The following ATP9A variants were observed in gnomAD, a reference collection of about 807,000 sequenced individuals.
The protein encoded by ATP9A is ATPase phospholipid transporting 9A.
A neutral mutation model predicts 144.1 loss-of-function variants in ATP9A; 52 were observed. The observed-to-expected ratio is 0.36, with a 90% CI of 0.29 to 0.45. The LOEUF is 0.45. Ranked by LOEUF, ATP9A falls within the 20% of genes least tolerant of loss-of-function variation. ATP9A has a pLI of 1.00. For missense variants in ATP9A, 947 were observed against 1,392.7 expected (o/e 0.68, Z 5.09); for synonymous variants, 582 against 557.4 (o/e 1.04, Z -0.62).
At chr20:51,716,323 G>A (rs950909772) in intron 3 of ATP9A, among the ~76,000 whole-genome samples, 4 of 152,096 alleles carry the variant, frequency 2.6e-5, no homozygotes, top group African/African-American at 9.7e-5. Flanking sequence ...ATGGCTGGGT[G>A]TGGTGGCTCA....
At chr20:51,658,190 T>C (rs1480336116) in intron 13 of ATP9A, among the ~76,000 whole-genome samples, 1 of 152,174 alleles carries the variant, frequency 6.6e-6, no homozygotes, top group African/African-American at 2.4e-5. Flanking sequence ...CCGGGCACGG[T>C]GGCTCACGCC....
intron 26 of ATP9A, among the ~76,000 whole-genome samples, chr20:51,606,446 C>CA (rs1452278120): frequency 6.6e-6 from 1 of 152,108 alleles, no homozygotes; most frequent in African/African-American, 2.4e-5. Flanking sequence ...CCTGTAATCC[C>CA]AACACTTTGT....
At chr20:51,633,887 G>A (rs1313165912) in intron 15 of ATP9A, among the ~76,000 whole-genome samples, 1 of 139,696 alleles carries the variant, frequency 7.2e-6, no homozygotes, top group African/African-American at 2.6e-5. Context: ...AGGAAGGAAG[G>A]AAAAGAGGGA....
At chr20:51,757,649 A>T (rs956708741) in intron 1 of ATP9A, among the ~76,000 whole-genome samples, 5 of 152,194 alleles carry the variant, frequency 3.3e-5, no homozygotes, top group African/African-American at 1.2e-4. Context: ...TGCTGCCTGT[A>T]GTCCCAGCAC....
intron 1 of ATP9A, among the ~76,000 whole-genome samples, chr20:51,767,187 C>T (rs2077908374): frequency 6.6e-6 from 1 of 152,058 alleles, no homozygotes; most frequent in African/African-American, 2.4e-5. Flanking sequence ...CGGCCGCCAC[C>T]GGGAAATGCC....
Position 51,600,341 on chromosome 20 carries a change from T to A in ATP9A, c.*870A>T, listed in dbSNP as rs979543693. Reference sequence around the variant, plus strand: ...ATTAGTTGAGTCTCTTATCACACTGTCGACACATTTAGGGGCCATTCAGTG... The same window carrying A: ...ATTAGTTGAGTCTCTTATCACACTGACGACACATTTAGGGGCCATTCAGTG... On this transcript the variant is annotated 3_prime_UTR_variant, in exon 28 of 28. Coordinates refer to ENST00000338821, the MANE Select transcript of ATP9A (RefSeq NM_006045.3). 3 of 152,210 alleles carry A rather than the reference T, an allele frequency of 2.0e-5. No individual in the cohort carries two copies. Among genetic ancestry groups the A allele is most frequent in the African/African-American group, 7.2e-5 (3 of 41,446 alleles). The allele number at this position is 152,210 out of a possible 1,614,324, so 9.4% of individuals were successfully genotyped here. A position where few individuals can be genotyped will look rare whatever the true frequency, so the allele number is the denominator to read the frequency against.
intron 1 of ATP9A, among the ~76,000 whole-genome samples, chr20:51,754,748 A>G (rs2122909638): frequency 6.6e-6 from 1 of 152,188 alleles, no homozygotes; most frequent in African/African-American, 2.4e-5. Context: ...CCCAGAAGGC[A>G]GAGGTTGCAG....
intron 9 of ATP9A, among the ~76,000 whole-genome samples, chr20:51,683,045 TCGCAC>T (rs1249618120): frequency 6.7e-6 from 1 of 149,748 alleles, no homozygotes; most frequent in African/African-American, 2.4e-5. Context: ...TGAGCAGAGA[TCGCAC>T]CATTGCACTC....
At chr20:51,701,828 A>G (rs528119616) in intron 4 of ATP9A, among the ~76,000 whole-genome samples, 2 of 152,256 alleles carry the variant, frequency 1.3e-5, no homozygotes, top group South Asian at 4.1e-4. Context: ...AGTGCTGTCA[A>G]TTTGGACTTC....
At chr20:51,628,825 T>C (rs2077259977) in intron 16 of ATP9A, among the ~76,000 whole-genome samples, 155 bp downstream of exon 16, 1 of 152,216 alleles carries the variant, frequency 6.6e-6, no homozygotes, top group Admixed American at 6.5e-5. Flanking sequence ...GAAACCATTA[T>C]ATATTAAATG....
intron 9 of ATP9A, among the ~76,000 whole-genome samples, chr20:51,684,006 A>G (rs1304084439): frequency 6.6e-6 from 1 of 152,208 alleles, no homozygotes; most frequent in Non-Finnish European, 1.5e-5. Flanking sequence ...CAACATGGCA[A>G]AACCCTGTCT....
At chr20:51,627,413 G>A (rs1408910264) in intron 17 of ATP9A, among the ~76,000 whole-genome samples, 187 bp downstream of exon 17, 1 of 152,176 alleles carries the variant, frequency 6.6e-6, no homozygotes, top group Non-Finnish European at 1.5e-5. Context: ...AATGGGCCAT[G>A]GGGCTCTGTG....
intron 23 of ATP9A, among the ~76,000 whole-genome samples, chr20:51,612,425 T>TTTG (rs529122911): frequency 6.6e-6 from 1 of 152,092 alleles, no homozygotes; most frequent in South Asian, 2.1e-4. Flanking sequence ...GATGGCAAAT[T>TTTG]TTGTTGTTGT....
chr20:51,613,636 AG>A (rs772370390), intron 23 of ATP9A, 40 bp downstream of exon 23: 1 of 1,580,626 alleles, frequency 6.3e-7, no homozygotes, highest in South Asian at 1.1e-5. Flanking sequence ...TACATGGTAT[AG>A]CCACAGGCAC....
intron 1 of ATP9A, among the ~76,000 whole-genome samples, chr20:51,731,290 C>G (rs926353887): frequency 6.6e-6 from 1 of 151,854 alleles, no homozygotes; most frequent in Non-Finnish European, 1.5e-5. Flanking sequence ...CAGAGCGAGA[C>G]TCCGTCTCAA....
chr20:51,757,282 T>G (rs1362848500), intron 1 of ATP9A, among the ~76,000 whole-genome samples: 2 of 152,052 alleles, frequency 1.3e-5, no homozygotes, highest in African/African-American at 2.4e-5. Flanking sequence ...CCTCCCAAAG[T>G]GCTGGGATTA....
chr20:51,718,492 A>G (rs58281586), intron 3 of ATP9A, among the ~76,000 whole-genome samples: 33,667 of 151,684 alleles, frequency 0.22, 4,366 homozygotes, highest in East Asian at 0.45. Flanking sequence ...GTGGGGGGCA[A>G]AAAGAATGGC....
chr20:51,745,822 A>G (rs2077805650), intron 1 of ATP9A, among the ~76,000 whole-genome samples: 3 of 152,154 alleles, frequency 2.0e-5, no homozygotes, highest in Admixed American at 2.0e-4. Context: ...TGACATTTAA[A>G]GTTTATTTCA....
In ATP9A at chr20:51,668,483, C is replaced by T. The variant is rs2077443066; in HGVS notation, c.1293+1514G>A. Among the ~76,000 whole-genome samples, 4 of 152,060 alleles carry T rather than the reference C, an allele frequency of 2.6e-5. No homozygotes were observed. In the South Asian group the frequency reaches 8.3e-4, roughly 32 times the overall value. On this transcript the variant is annotated intron_variant, in intron 13 of 27. Transcript: ENST00000338821. ...GACAGAGCCATCAGCATCCACAGAGCGATGGAAGCAGGGTGAGGGGCCATC... is the reference window on the plus strand; with the variant it reads ...GACAGAGCCATCAGCATCCACAGAGTGATGGAAGCAGGGTGAGGGGCCATC...
Sources: gnomAD v4.1 joint callset for allele counts (sites outside exome capture counted in the v4.1 genomes callset) on GRCh38, gnomAD v4.1.1 for gene constraint, MANE v1.5 for transcripts, NCBI Gene and HGNC (gene_info 2026-07-23, HGNC 2026-07-21) for gene names.